The following PEX11G variants were observed in gnomAD, a reference collection of about 807,000 sequenced individuals.
PEX11G encodes peroxisomal membrane protein 11C.
A neutral mutation model predicts 22.5 loss-of-function variants in PEX11G; 20 were observed. That is an observed-to-expected ratio of 0.89 (90% CI 0.62 to 1.29). The LOEUF (loss-of-function observed/expected upper bound fraction) is 1.29. Among genes scored for constraint, PEX11G ranks in the 50% most tolerant of loss-of-function variants. PEX11G has a pLI of 0.00. For missense variants in PEX11G, 347 were observed against 331.3 expected (o/e 1.05, Z -0.37); for synonymous variants, 141 against 154.5 (o/e 0.91, Z 0.65).
Position 7,485,868 on chromosome 19 carries a change from G to A in PEX11G, c.219C>T (p.Val73=). ...CCCCCAGGCCATATTGCTTAGTGTA[G>A]ACAAACATGGCCAGGTCATCAAAGA... ...LRLFDDLAMF[V]YTKQYGLGAQ... Residue 73 remains valine (V), a synonymous_variant, in exon 2 of 5, where the codon GTC becomes GTT. Coordinates refer to ENST00000221480, the MANE Select transcript of PEX11G (RefSeq NM_080662.4). The A allele has an allele frequency of 6.2e-7, 1 of 1,612,002 alleles. No homozygotes were observed. Among genetic ancestry groups the A allele is most frequent in the Non-Finnish European group, 8.5e-7 (1 of 1,178,336 alleles).
upstream of PEX11G, among the ~76,000 whole-genome samples, chr19:7,493,892 C>G (rs1462396243): frequency 6.7e-6 from 1 of 150,188 alleles, no homozygotes; most frequent in Non-Finnish European, 1.5e-5. Flanking sequence ...CCCCTCTCCC[C>G]CAGTGGGGGG....
intron 2 of PEX11G, among the ~76,000 whole-genome samples, chr19:7,484,966 G>A (rs1158012003): frequency 6.6e-6 from 1 of 152,148 alleles, no homozygotes; most frequent in African/African-American, 2.4e-5. Flanking sequence ...ATTTTTAAAA[G>A]TAATAAACTA....
rs762311279 is a variant in PEX11G at position 7,482,202 on chromosome 19, C to T, written c.259G>A (p.Ala87Thr). 35 of 1,565,152 alleles carry T rather than the reference C, an allele frequency of 2.2e-5. No homozygotes were observed. The highest frequency in any genetic ancestry group is 6.8e-5 in the African/African-American group (5 of 73,544). Residue 87 changes from alanine (A) to threonine (T), a missense_variant, in exon 3 of 5, where the codon GCC becomes ACC. Physicochemically the swap from Ala to Thr is moderately conservative, Grantham distance 58. Coordinates refer to ENST00000221480, the MANE Select transcript of PEX11G (RefSeq NM_080662.4). Reference sequence around the variant, plus strand: ...AGGACGGAGACACAGCGGACAAAGGCGTCCTCCTCCTGCAGGACCAGGAGC... The same window carrying T: ...AGGACGGAGACACAGCGGACAAAGGTGTCCTCCTCCTGCAGGACCAGGAGC... ...QYGLGAQEED[A>T]FVRCVSVLGN... is the part of the protein sequence containing the mutation.
upstream of PEX11G, among the ~76,000 whole-genome samples, chr19:7,491,335 T>C (rs190472455): frequency 3.0e-4 from 44 of 147,036 alleles, no homozygotes; most frequent in African/African-American, 1.0e-3. Context: ...AGTGGCATGA[T>C]CTCAGCTCAC....
upstream of PEX11G, chr19:7,489,131 G>C (rs1237473323): frequency 7.9e-7 from 1 of 1,266,484 alleles, no homozygotes; most frequent in African/African-American, 1.6e-5. Flanking sequence ...TTGTCCCCCT[G>C]ACCGGCTTTT....
At chr19:7,485,191 T>C (rs2021585839) in intron 2 of PEX11G, among the ~76,000 whole-genome samples, 3 of 152,138 alleles carry the variant, frequency 2.0e-5, no homozygotes, top group Admixed American at 2.0e-4. Flanking sequence ...TTATTTGAGA[T>C]GGAGTCTCGC....
At chr19:7,481,617 G>A (rs932976794) in intron 3 of PEX11G, among the ~76,000 whole-genome samples, 1 of 152,194 alleles carries the variant, frequency 6.6e-6, no homozygotes, top group Non-Finnish European at 1.5e-5. Flanking sequence ...AAGGAGGTGT[G>A]ACGCTGAAAG....
At chr19:7,480,664 G>T (rs561173002) in intron 3 of PEX11G, among the ~76,000 whole-genome samples, 3 of 152,266 alleles carry the variant, frequency 2.0e-5, no homozygotes, top group African/African-American at 7.2e-5. Flanking sequence ...CATGTAATTA[G>T]GACATCTGTG....
intron 2 of PEX11G, among the ~76,000 whole-genome samples, chr19:7,483,465 G>C (rs73921437): frequency 0.018 from 2,763 of 152,196 alleles, 89 homozygotes; most frequent in African/African-American, 0.063. Context: ...CATATAAACC[G>C]GGAACCCAAC....
At chr19:7,492,504 T>A (rs373540359), upstream of PEX11G, among the ~76,000 whole-genome samples, 9 of 152,122 alleles carry the variant, frequency 5.9e-5, no homozygotes, top group African/African-American at 2.2e-4. Flanking sequence ...AGTGCAGTGC[T>A]GATCTCAGCT....
At position 7,477,322 on chromosome 19, in the gene PEX11G, G is replaced by C; in HGVS notation, c.606C>G (p.Gly202=). ...LANAVHWLPR[G]VLWAGRFPPW... ...GCGGGAAGCGGCCGGCCCACAGCAC[G>C]CCCCGGGGCAGCCAGTGCACGGCGT... Residue 202 remains glycine, a synonymous_variant, in exon 5 of 5, where the codon GGC becomes GGG. Transcript: ENST00000221480. The C allele has an allele frequency of 6.4e-7, 1 of 1,558,462 alleles. No individual in the cohort carries two copies. Among genetic ancestry groups the C allele is most frequent in the Admixed American group, 1.9e-5 (1 of 51,424 alleles).
At chr19:7,478,586 A>G (rs1977345508) in intron 3 of PEX11G, among the ~76,000 whole-genome samples, 1 of 152,226 alleles carries the variant, frequency 6.6e-6, no homozygotes, top group African/African-American at 2.4e-5. Flanking sequence ...CACCCGGGAC[A>G]TCGTCCTGCA....
chr19:7,483,977 C>T (rs1329826411), intron 2 of PEX11G, among the ~76,000 whole-genome samples: 1 of 149,598 alleles, frequency 6.7e-6, no homozygotes. Flanking sequence ...CCCTGTGCGT[C>T]AACCAGAGGC....
intron 2 of PEX11G, 120 bp downstream of exon 2, chr19:7,485,718 C>G: frequency 1.1e-6 from 1 of 913,108 alleles, no homozygotes; most frequent in South Asian, 2.0e-5. Flanking sequence ...ATCCGCCAGC[C>G]TTGGCCTCAC....
At chr19:7,479,095 G>A (rs1238475449) in intron 3 of PEX11G, among the ~76,000 whole-genome samples, 1 of 152,208 alleles carries the variant, frequency 6.6e-6, no homozygotes, top group Non-Finnish European at 1.5e-5. Context: ...TACCCAGGGT[G>A]CAGGATGCAG....
At chr19:7,483,271 GGCTCT>G (rs1193451138) in intron 2 of PEX11G, 1 of 152,020 alleles carries the variant, frequency 6.6e-6, no homozygotes, top group Non-Finnish European at 1.5e-5. Flanking sequence ...CCTCCCTCCG[GGCTCT>G]GAACCTCACT....
chr19:7,481,657 G>A (rs1203095358), intron 3 of PEX11G, among the ~76,000 whole-genome samples: 1 of 152,064 alleles, frequency 6.6e-6, no homozygotes, highest in Non-Finnish European at 1.5e-5. Context: ...ATGAAGGAAG[G>A]GGCCATGAGC....
At chr19:7,477,853 C>T (rs1977298502) in intron 4 of PEX11G, among the ~76,000 whole-genome samples, 1 of 152,100 alleles carries the variant, frequency 6.6e-6, no homozygotes. Context: ...CCCATCTCCA[C>T]CAAAAAATAA....
At position 7,486,034 on chromosome 19, in the gene PEX11G, A is replaced by G. The variant is rs760333700; in HGVS notation, c.61-8T>C. On this transcript the variant is annotated splice_polypyrimidine_tract_variant and splice_region_variant and intron_variant, in intron 1 of 4. Coordinates refer to ENST00000221480, the MANE Select transcript of PEX11G (RefSeq NM_080662.4). Reference sequence around the variant, plus strand: ...GTACCCCAGCACTCGGATCTGTGGGAAACCAGAAGCAGTCAGTGTGGCCCT... The same window carrying G: ...GTACCCCAGCACTCGGATCTGTGGGGAACCAGAAGCAGTCAGTGTGGCCCT... 5.8e-5 allele frequency: 91 copies of G among 1,579,578 alleles called. No homozygotes were observed. Among genetic ancestry groups the G allele is most frequent in the Non-Finnish European group, 7.5e-5 (87 of 1,156,152 alleles).
Sources: allele counts gnomAD v4.1 joint callset (sites outside exome capture counted in the v4.1 genomes callset), GRCh38; gene constraint gnomAD v4.1.1; transcripts MANE v1.5; gene names NCBI Gene and HGNC (gene_info 2026-07-23, HGNC 2026-07-21).